Variants in DOCK4 observed in about 807,000 individuals in gnomAD.
DOCK4 encodes the protein dedicator of cytokinesis 4.
DOCK4 carries 97 observed loss-of-function variants against 268.1 expected under a neutral mutation model. That is an observed-to-expected ratio of 0.36 (90% CI 0.31 to 0.43). The LOEUF is 0.43. Ranked by LOEUF, DOCK4 falls within the 20% of genes least tolerant of loss-of-function variation. The pLI is 1.00. For missense variants in DOCK4, 2,145 were observed against 2,455.7 expected, an observed-to-expected ratio of 0.87 and a Z score of 2.67; for synonymous variants, 954 against 887.2, an observed-to-expected ratio of 1.08 and a Z score of -1.34.
At chr7:111,998,210 A>G (rs1238996416) in intron 4 of DOCK4, among the ~76,000 whole-genome samples, 2 of 152,172 alleles carry the variant, frequency 1.3e-5, no homozygotes, top group African/African-American at 4.8e-5. Context: ...TGATTCCCTG[A>G]TTTGTGGACA....
At chr7:112,169,110 C>T (rs1817858272) in intron 1 of DOCK4, among the ~76,000 whole-genome samples, 1 of 152,156 alleles carries the variant, frequency 6.6e-6, no homozygotes, top group South Asian at 2.1e-4. Context: ...ATAGTGAGCT[C>T]TCATGAGATC....
At chr7:111,906,039 T>C (rs184384158) in intron 13 of DOCK4, among the ~76,000 whole-genome samples, 2 of 152,234 alleles carry the variant, frequency 1.3e-5, no homozygotes, top group Admixed American at 1.3e-4. Flanking sequence ...GAAATTAAAG[T>C]GTAGGGATTA....
chr7:111,784,834 T>C (rs1014315344), intron 32 of DOCK4, among the ~76,000 whole-genome samples: 1 of 152,234 alleles, frequency 6.6e-6, no homozygotes, highest in Non-Finnish European at 1.5e-5. Context: ...GATACTTCCC[T>C]ACCCCTTGAA....
In DOCK4 at chr7:112,018,167, A is replaced by AC. The variant is rs1481907356; in HGVS notation, c.38-14037_38-14036insG. ...TCAAAAAAAAAAAAAAAAAAAAAAA[A>AC]AAAAAAAAAAAAACACAGGCAACCA... On this transcript the variant is annotated intron_variant, in intron 1 of 52. Transcript: ENST00000428084. 3.9e-4 allele frequency among the ~76,000 whole-genome samples: 56 copies of AC among 143,202 alleles called. No individual in the cohort carries two copies. In the East Asian group the frequency reaches 8.2e-3, roughly 21 times the overall value. 93.9% of individuals were successfully genotyped at this position (143,202 alleles called of 152,430 possible).
chr7:112,200,483 C>A (rs1820811158), intron 1 of DOCK4, among the ~76,000 whole-genome samples: 1 of 151,922 alleles, frequency 6.6e-6, no homozygotes. Flanking sequence ...TTAAGTAAAA[C>A]ATTGTATTAC....
At chr7:111,943,008 T>C (rs751449088) in intron 10 of DOCK4, among the ~76,000 whole-genome samples, 102 of 152,352 alleles carry the variant, frequency 6.7e-4, no homozygotes, top group South Asian at 8.3e-4. Context: ...GACAATGATC[T>C]GCCACCAATT....
chr7:112,185,570 T>G (rs1317031495), intron 1 of DOCK4, among the ~76,000 whole-genome samples: 1 of 151,346 alleles, frequency 6.6e-6, no homozygotes, highest in Non-Finnish European at 1.5e-5. Context: ...CCTGATGACT[T>G]CAAAAGGAAG....
At chr7:111,780,797 C>G (rs1419174425) in intron 35 of DOCK4, among the ~76,000 whole-genome samples, 1 of 152,174 alleles carries the variant, frequency 6.6e-6, no homozygotes, top group African/African-American at 2.4e-5. Context: ...TAGAAAAAAT[C>G]AAGAACCTTC....
chr7:112,187,729 A>T (rs1819595620), intron 1 of DOCK4, among the ~76,000 whole-genome samples: 1 of 152,192 alleles, frequency 6.6e-6, no homozygotes, highest in East Asian at 1.9e-4. Flanking sequence ...AGTGGAGTAA[A>T]TGCAACCAGT....
intron 12 of DOCK4, among the ~76,000 whole-genome samples, chr7:111,925,717 T>G (rs1253741976): frequency 1.3e-5 from 2 of 152,182 alleles, no homozygotes; most frequent in Non-Finnish European, 2.9e-5. Flanking sequence ...CTTACGCTAT[T>G]AATGTTGCCA....
At chr7:111,923,303 C>A (rs745653821) in intron 12 of DOCK4, among the ~76,000 whole-genome samples, 2 of 152,284 alleles carry the variant, frequency 1.3e-5, no homozygotes, top group South Asian at 2.1e-4. Context: ...CAGTTTCCCA[C>A]GGATACCAAG....
At chr7:111,844,435 C>A (rs531038762) in intron 25 of DOCK4, among the ~76,000 whole-genome samples, 1 of 152,224 alleles carries the variant, frequency 6.6e-6, no homozygotes, top group Non-Finnish European at 1.5e-5. Context: ...TTCTCGTTTC[C>A]TCAAGCAATT....
chr7:112,047,343 C>T (rs1031320368), intron 1 of DOCK4, among the ~76,000 whole-genome samples: 1 of 152,084 alleles, frequency 6.6e-6, no homozygotes, highest in Non-Finnish European at 1.5e-5. Flanking sequence ...AAAAATTCTA[C>T]AAAAGTGCAA....
chr7:111,922,075 G>C (rs1432209573), intron 12 of DOCK4, among the ~76,000 whole-genome samples: 5 of 152,186 alleles, frequency 3.3e-5, no homozygotes, highest in African/African-American at 9.6e-5. Flanking sequence ...CATATGCGAA[G>C]GCGGTGAAAT....
At position 111,900,265 on chromosome 7, in the gene DOCK4, T is replaced by C. The variant is rs1791025064; in HGVS notation, c.1480+109A>G. 5.3e-6 allele frequency: 7 copies of C among 1,320,254 alleles called. No individual in the cohort carries two copies. In the South Asian group the frequency reaches 9.0e-5, roughly 17 times the overall value. 81.8% of individuals were successfully genotyped at this position (1,320,254 alleles called of 1,614,324 possible). On this transcript the variant is annotated intron_variant, in intron 15 of 52. Transcript: ENST00000428084. ...ATCTTTCTAGAATGGAACAAACTGATTTTTACAAAAGTAATCAACTTAAGA... is the reference window on the plus strand; with the variant it reads ...ATCTTTCTAGAATGGAACAAACTGACTTTTACAAAAGTAATCAACTTAAGA...
At position 111,735,042 on chromosome 7, in the gene DOCK4, T is replaced by C. The variant is rs1450026944; in HGVS notation, c.5419+12A>G. 1 of 1,551,038 alleles carries C rather than the reference T, an allele frequency of 6.4e-7. No homozygotes were observed. The highest frequency in any genetic ancestry group is 2.3e-5 in the East Asian group (1 of 42,788). ...TTATAAAAGTGATCATTCAAATTCT[T>C]CAAATACCCACCAGTCTGTGTGGGT... On this transcript the variant is annotated intron_variant, in intron 51 of 52. Coordinates refer to ENST00000428084, the MANE Select transcript of DOCK4 (RefSeq NM_001363540.2).
intron 12 of DOCK4, among the ~76,000 whole-genome samples, chr7:111,933,549 C>A (rs998167983): frequency 2.6e-5 from 4 of 151,868 alleles, no homozygotes; most frequent in African/African-American, 9.7e-5. Context: ...CCCGCCTTGG[C>A]CTCCCAAAGT....
At chr7:111,948,252 T>C (rs562207736) in intron 8 of DOCK4, among the ~76,000 whole-genome samples, 9 of 152,208 alleles carry the variant, frequency 5.9e-5, no homozygotes, top group Non-Finnish European at 1.3e-4. Flanking sequence ...AACTGCGAAA[T>C]AGTAAATAGT....
At chr7:111,976,922 C>T in intron 8 of DOCK4, 1 of 468,984 alleles carries the variant, frequency 2.1e-6, no homozygotes, top group Admixed American at 3.7e-5. Flanking sequence ...TTCTATAGCC[C>T]TTATGAATTT....
Sources: allele counts gnomAD v4.1 joint callset (sites outside exome capture counted in the v4.1 genomes callset), GRCh38; gene constraint gnomAD v4.1.1; transcripts MANE v1.5; gene names NCBI Gene and HGNC (gene_info 2026-07-23, HGNC 2026-07-21).